KMT5B: variants seen among roughly 807,000 people sequenced by gnomAD.
KMT5B encodes histone-lysine N-methyltransferase KMT5B.
In KMT5B, 10 loss-of-function variants were observed where a neutral mutation model predicts 83.2. The observed-to-expected ratio is 0.12, with a 90% CI of 0.07 to 0.20. The LOEUF (loss-of-function observed/expected upper bound fraction) is 0.20. Among genes scored for constraint, KMT5B ranks in the 10% least tolerant of loss-of-function variants. The probability of loss-of-function intolerance (pLI) is 1.00; values close to 1 mark genes in which losing one functional copy is unlikely to be tolerated. For synonymous variants in KMT5B, 349 were observed against 388.8 expected, an observed-to-expected ratio of 0.90 and a Z score of 1.20; for missense variants, 753 against 1,067.2, an observed-to-expected ratio of 0.71 and a Z score of 4.10.
At chr11:68,188,620 A>G (rs1857694200) in intron 2 of KMT5B, among the ~76,000 whole-genome samples, 1 of 152,120 alleles carries the variant, frequency 6.6e-6, no homozygotes, top group African/African-American at 2.4e-5. Flanking sequence ...TGGACTCCCA[A>G]AGTGCCGGGA....
At chr11:68,200,862 A>C (rs946584866) in intron 1 of KMT5B, among the ~76,000 whole-genome samples, 1 of 152,178 alleles carries the variant, frequency 6.6e-6, no homozygotes, top group African/African-American at 2.4e-5. Context: ...TGGAATTGGG[A>C]TTCTGCTCCA....
chr11:68,211,708 G>A lies in KMT5B; in HGVS notation c.-77+1430C>T, dbSNP rs148263896. ...AACATTCTCACGGGGCCTTTCTGAA[G>A]GACAAGAGTGTACGGGGTGGAGAAA... On this transcript the variant is annotated intron_variant, in intron 1 of 10. Coordinates refer to ENST00000304363, the MANE Select transcript of KMT5B (RefSeq NM_017635.5). Among the ~76,000 whole-genome samples the A allele has an allele frequency of 9.0e-4, 137 of 152,314 alleles. 1 individual carries two copies. The highest frequency in any genetic ancestry group is 2.6e-3 in the African/African-American group (110 of 41,572).
At chr11:68,193,114 A>C (rs1405998357) in intron 1 of KMT5B, among the ~76,000 whole-genome samples, 1 of 152,212 alleles carries the variant, frequency 6.6e-6, no homozygotes, top group Non-Finnish European at 1.5e-5. Context: ...CCCTACGATA[A>C]AGGGCAAAAA....
intron 3 of KMT5B, among the ~76,000 whole-genome samples, chr11:68,181,773 T>C (rs1029622588): frequency 1.3e-5 from 2 of 152,234 alleles, no homozygotes; most frequent in African/African-American, 4.8e-5. Flanking sequence ...TGAAAACATA[T>C]ACCTTTCACC....
intron 1 of KMT5B, among the ~76,000 whole-genome samples, chr11:68,209,328 G>T (rs545613938): frequency 1.3e-5 from 2 of 152,274 alleles, no homozygotes; most frequent in African/African-American, 4.8e-5. Flanking sequence ...GTCATGTCCA[G>T]GGAACACTAG....
At position 68,158,464 on chromosome 11, in the gene KMT5B, C is replaced by T; in HGVS notation, c.1882G>A (p.Glu628Lys). 1 of 1,614,042 alleles carries T rather than the reference C, an allele frequency of 6.2e-7. No homozygotes were observed. Among genetic ancestry groups the T allele is most frequent in the African/African-American group, 1.3e-5 (1 of 75,022 alleles). Residue 628 changes from glutamate (E) to lysine (K), a missense_variant, in exon 11 of 11, where the codon GAA becomes AAA. Physicochemically the swap from Glu to Lys is moderately conservative, Grantham distance 56. Transcript: ENST00000304363. ...KLVKQFAKIEESTPVHDSPGK... is the reference protein window; with the variant it reads ...KLVKQFAKIEKSTPVHDSPGK... ...GGAGAATCGTGCACTGGAGTAGATT[C>T]CTCTATTTTTGCAAACTGTTTCACA...
chr11:68,166,758 A>G, intron 10 of KMT5B: 1 of 1,382,790 alleles, frequency 7.2e-7, no homozygotes, highest in South Asian at 1.7e-5. Context: ...CCAGTTACCA[A>G]GGTATTCAAG....
Position 68,159,011 on chromosome 11 carries a change from T to C in KMT5B, c.1335A>G (p.Ala445=), listed in dbSNP as rs752081817. ...SRVPKKLKKP[A]KPLLSKIKLR... Reference sequence around the variant, plus strand: ...ATTTTATCTTTGAAAGTAAAGGCTTTGCAGGCTTCTTCAGTTTCTTTGGTA... The same window carrying C: ...ATTTTATCTTTGAAAGTAAAGGCTTCGCAGGCTTCTTCAGTTTCTTTGGTA... Residue 445 remains alanine, a synonymous_variant, in exon 11 of 11, where the codon GCA becomes GCG. Transcript: ENST00000304363. The C allele has an allele frequency of 1.1e-5, 18 of 1,612,714 alleles. No individual in the cohort carries two copies. The highest frequency in any genetic ancestry group is 8.4e-5 in the Admixed American group (5 of 59,666).
chr11:68,164,989 A>G (rs542616484), intron 10 of KMT5B, among the ~76,000 whole-genome samples: 1 of 152,356 alleles, frequency 6.6e-6, no homozygotes, highest in African/African-American at 2.4e-5. Flanking sequence ...TTTAATAAAT[A>G]TTAATAGTTA....
chr11:68,175,063 A>G lies in KMT5B; in HGVS notation c.498T>C (p.Tyr166=), dbSNP rs780848171. The stretch of plus-strand genomic sequence containing the variant: ...CCTGCATTTTATTCTTGTTGAGAAA[A>G]TAGTGCCGTGCCCATTCGCCTGAAG... ...CLTSGEWARH[Y]FLNKNKMQEK... is the part of the protein sequence containing the mutation. Residue 166 remains tyrosine (Y), a synonymous_variant, in exon 5 of 11, where the codon TAT becomes TAC. Transcript: ENST00000304363. 30 of 1,614,096 alleles carry G rather than the reference A, an allele frequency of 1.9e-5. No homozygotes were observed. The highest frequency in any genetic ancestry group is 1.3e-4 in the Admixed American group (8 of 60,016).
chr11:68,188,316 G>A (rs1372301145), intron 2 of KMT5B, among the ~76,000 whole-genome samples: 2 of 151,054 alleles, frequency 1.3e-5, no homozygotes, highest in East Asian at 1.9e-4. Context: ...GAGCCACCAC[G>A]CCCGGCCCGT....
At chr11:68,166,283 C>T (rs1855311104) in intron 10 of KMT5B, 1 of 1,105,220 alleles carries the variant, frequency 9.0e-7, no homozygotes, top group Non-Finnish European at 1.1e-6. Context: ...GGTTTCTTCT[C>T]TTTCCTTTCT....
intron 10 of KMT5B, chr11:68,166,175 C>A (rs1114399): frequency 0.061 from 82,275 of 1,343,440 alleles, 2,799 homozygotes; most frequent in Non-Finnish European, 0.068. Context: ...GTGGCAACTA[C>A]AGAAAACTGG....
chr11:68,191,479 G>A (rs915135792), intron 1 of KMT5B, among the ~76,000 whole-genome samples: 34 of 151,826 alleles, frequency 2.2e-4, no homozygotes, highest in Admixed American at 1.8e-3. Flanking sequence ...GATTACAGGC[G>A]TGCACCACCA....
intron 9 of KMT5B, among the ~76,000 whole-genome samples, chr11:68,169,742 T>C (rs932071359): frequency 1.4e-4 from 22 of 152,244 alleles, no homozygotes; most frequent in Non-Finnish European, 5.9e-5. Context: ...TTTCAGATGA[T>C]AGGCACTTAA....
chr11:68,197,976 T>C (rs1435666659), intron 1 of KMT5B, among the ~76,000 whole-genome samples: 1 of 152,244 alleles, frequency 6.6e-6, no homozygotes, highest in African/African-American at 2.4e-5. Context: ...CAGGTCATCA[T>C]TTGTTCTGCC....
rs909840031 is a variant in KMT5B, at chr11:68,171,488, A to G, written c.820+55T>C. On this transcript the variant is annotated intron_variant, in intron 7 of 10. Transcript: ENST00000304363. This position sits in a 1 kb window ranked among gnomAD's most constrained non-coding sequence, Gnocchi z 5.1. ...TGACTGAGGTTGACAAGGCCATTCT[A>G]GCAGTTAGCAGGAATGGCCAACACT... is the stretch of plus-strand genomic sequence containing the variant. The G allele has an allele frequency of 1.9e-6, 3 of 1,546,798 alleles. No individual in the cohort carries two copies. Among genetic ancestry groups the G allele is most frequent in the Non-Finnish European group, 2.7e-6 (3 of 1,131,784 alleles).
chr11:68,199,091 G>GC (rs1021347093), intron 1 of KMT5B, among the ~76,000 whole-genome samples: 7 of 148,440 alleles, frequency 4.7e-5, no homozygotes, highest in African/African-American at 9.9e-5. Flanking sequence ...TAATTGCGTT[G>GC]TTTTTTTTTT....
intron 1 of KMT5B, among the ~76,000 whole-genome samples, chr11:68,209,763 T>A (rs1237888333): frequency 2.0e-5 from 3 of 152,188 alleles, no homozygotes; most frequent in Non-Finnish European, 4.4e-5. Context: ...CCTTCATCTT[T>A]AAACTGCAGT....
Sources: allele counts gnomAD v4.1 joint callset (sites outside exome capture counted in the v4.1 genomes callset), GRCh38; gene constraint gnomAD v4.1.1; non-coding constraint Gnocchi (gnomAD v3.1); transcripts MANE v1.5; gene names NCBI Gene and HGNC (gene_info 2026-07-23, HGNC 2026-07-21).